The following PRELID2 variants were observed in gnomAD, a reference collection of about 807,000 sequenced individuals.
The protein encoded by PRELID2 is PRELI domain-containing protein 2.
In PRELID2, 25 loss-of-function variants were observed where a neutral mutation model predicts 28.4. That is an observed-to-expected ratio of 0.88 (90% CI 0.64 to 1.23). The LOEUF is 1.23. Ranked by LOEUF, PRELID2 falls within the 50% of genes most tolerant of loss-of-function variation. PRELID2 has a pLI of 0.00. For missense variants in PRELID2, 201 were observed against 214.4 expected (o/e 0.94, Z 0.39); for synonymous variants, 76 against 71.6 (o/e 1.06, Z -0.31).
At chr5:145,608,206 A>G (rs767511192) in intron 1 of PRELID2, among the ~76,000 whole-genome samples, 1 of 152,166 alleles carries the variant, frequency 6.6e-6, no homozygotes, top group Non-Finnish European at 1.5e-5. Context: ...TCTTTATCCA[A>G]TTTGCCACTC....
At chr5:145,712,006 A>G (rs1755708601) in intron 1 of PRELID2, among the ~76,000 whole-genome samples, 1 of 152,052 alleles carries the variant, frequency 6.6e-6, no homozygotes, top group African/African-American at 2.4e-5. Context: ...CAAATCCCAA[A>G]CCCTACTGAA....
intron 1 of PRELID2, among the ~76,000 whole-genome samples, chr5:145,638,750 A>G (rs962014030): frequency 1.3e-5 from 2 of 152,264 alleles, no homozygotes; most frequent in Non-Finnish European, 2.9e-5. Context: ...TCTTATCATG[A>G]TATGATCTCT....
chr5:145,520,760 C>T (rs1752557032), intron 1 of PRELID2, among the ~76,000 whole-genome samples: 1 of 151,950 alleles, frequency 6.6e-6, no homozygotes, highest in Non-Finnish European at 1.5e-5. Flanking sequence ...GAATTTAAAC[C>T]TCAAGCAGAC....
chr5:145,646,708 G>T (rs1216964750), intron 1 of PRELID2, among the ~76,000 whole-genome samples: 1 of 152,198 alleles, frequency 6.6e-6, no homozygotes, highest in Non-Finnish European at 1.5e-5. Flanking sequence ...CTGACCTTCA[G>T]ATGGGGTCTC....
chr5:145,741,355 ATAAT>A (rs1406441772), intron 1 of PRELID2, among the ~76,000 whole-genome samples: 126 of 117,380 alleles, frequency 1.1e-3, no homozygotes, highest in African/African-American at 4.1e-3. Context: ...TTATTAATAA[ATAAT>A]TTATTTATAT....
chr5:145,238,855 G>A, the PRELID2 span, among the ~76,000 whole-genome samples: 5 of 152,000 alleles, frequency 3.3e-5, no homozygotes, highest in Non-Finnish European at 5.9e-5. Context: ...AAGAAGTCAC[G>A]TAATTATCTG....
intron 1 of PRELID2, among the ~76,000 whole-genome samples, chr5:145,488,169 C>A (rs1207167310): frequency 6.6e-6 from 1 of 151,564 alleles, no homozygotes; most frequent in East Asian, 1.9e-4. Flanking sequence ...ACTAAACCCA[C>A]CTTTCCATCC....
the PRELID2 span, among the ~76,000 whole-genome samples, chr5:145,243,907 C>T: frequency 6.6e-6 from 1 of 151,994 alleles, no homozygotes; most frequent in Non-Finnish European, 1.5e-5. Context: ...ATATTTACTT[C>T]CTCAGCAACT....
At chr5:145,485,671 T>A (rs921072212) in intron 1 of PRELID2, among the ~76,000 whole-genome samples, 3 of 152,080 alleles carry the variant, frequency 2.0e-5, no homozygotes, top group Non-Finnish European at 2.9e-5. Context: ...TCCATTCCAC[T>A]CCCACCAACG....
At chr5:145,467,894 T>G (rs926216657), downstream of PRELID2, among the ~76,000 whole-genome samples, 1 of 151,866 alleles carries the variant, frequency 6.6e-6, no homozygotes. Context: ...TTTACTTTGT[T>G]TCATTTTGTT....
chr5:145,740,316 AT>A (rs1756631557), intron 1 of PRELID2, among the ~76,000 whole-genome samples: 8 of 104,250 alleles, frequency 7.7e-5, no homozygotes, highest in East Asian at 3.1e-4. Flanking sequence ...ATATATATAT[AT>A]ATAAATCCTA....
chr5:145,574,995 A>G (rs57427089), intron 1 of PRELID2, among the ~76,000 whole-genome samples: 10,661 of 152,232 alleles, frequency 0.07, 567 homozygotes, highest in Admixed American at 0.18. Flanking sequence ...CATGGACACA[A>G]AGGATTGACT....
chr5:145,546,615 C>T (rs1378521882), intron 1 of PRELID2, among the ~76,000 whole-genome samples: 1 of 152,154 alleles, frequency 6.6e-6, no homozygotes, highest in Non-Finnish European at 1.5e-5. Context: ...TCAATTATCT[C>T]TTCCAGATAG....
chr5:145,413,398 C>T, the PRELID2 span, among the ~76,000 whole-genome samples: 1 of 152,190 alleles, frequency 6.6e-6, no homozygotes, highest in Non-Finnish European at 1.5e-5. Flanking sequence ...TAACCTAGTA[C>T]AACCAATATG....
chr5:145,658,195 T>C (rs1444963919), intron 1 of PRELID2, among the ~76,000 whole-genome samples: 1 of 152,088 alleles, frequency 6.6e-6, no homozygotes. Flanking sequence ...GTGACAAGTG[T>C]TAGGACTATG....
At chr5:145,346,001 T>C in the PRELID2 span, among the ~76,000 whole-genome samples, 1 of 152,150 alleles carries the variant, frequency 6.6e-6, no homozygotes, top group African/African-American at 2.4e-5. Flanking sequence ...CTGCTGGTCC[T>C]AGGCTTGTGT....
At chr5:145,379,144 C>G in the PRELID2 span, among the ~76,000 whole-genome samples, 1 of 152,170 alleles carries the variant, frequency 6.6e-6, no homozygotes, top group Non-Finnish European at 1.5e-5. Context: ...AAGATTTGTA[C>G]TGGGTCCCAA....
At chr5:145,522,416 C>CACGA (rs1007408299) in intron 1 of PRELID2, among the ~76,000 whole-genome samples, 1 of 149,698 alleles carries the variant, frequency 6.7e-6, no homozygotes, top group Non-Finnish European at 1.5e-5. Flanking sequence ...CACACACACA[C>CACGA]GAGAGAGAGA....
intron 1 of PRELID2, among the ~76,000 whole-genome samples, chr5:145,670,512 G>T (rs879427856): frequency 2.0e-5 from 3 of 152,156 alleles, no homozygotes; most frequent in Non-Finnish European, 2.9e-5. Flanking sequence ...TTGCTCATTT[G>T]TATCCCTGGT....
Sources: gnomAD v4.1 joint callset for allele counts (sites outside exome capture counted in the v4.1 genomes callset) on GRCh38, gnomAD v4.1.1 for gene constraint, MANE v1.5 for transcripts, NCBI Gene and HGNC (gene_info 2026-07-23, HGNC 2026-07-21) for gene names.